Variants in TUB observed in about 807,000 individuals in gnomAD.
TUB encodes the protein TUB bipartite transcription factor.
TUB carries 33 observed loss-of-function variants against 59.7 expected under a neutral mutation model. That is an observed-to-expected ratio of 0.55 (90% confidence interval 0.42 to 0.74). The LOEUF is 0.74. Ranked by LOEUF, TUB falls within the 30% of genes least tolerant of loss-of-function variation. The probability of loss-of-function intolerance (pLI) is 0.00; values close to 1 mark genes in which losing one functional copy is unlikely to be tolerated. For missense variants in TUB, 659 were observed against 672.0 expected (o/e 0.98, Z 0.21); for synonymous variants, 293 against 256.4 (o/e 1.14, Z -1.36).
chr11:8,084,886 GTCA>G (rs1388032890), intron 1 of TUB, among the ~76,000 whole-genome samples: 2 of 152,182 alleles, frequency 1.3e-5, no homozygotes, highest in African/African-American at 4.8e-5. Flanking sequence ...GCCTTTACAG[GTCA>G]TCTAGTTCTC....
chr11:8,059,434 T>G (rs371408660), intron 2 of TUB, among the ~76,000 whole-genome samples: 2 of 152,012 alleles, frequency 1.3e-5, no homozygotes, highest in East Asian at 3.9e-4. Flanking sequence ...CTCTCGACAT[T>G]TAGTGTGCAG....
At chr11:8,099,437 T>G (rs1944156711) in intron 9 of TUB, among the ~76,000 whole-genome samples, 1 of 152,186 alleles carries the variant, frequency 6.6e-6, no homozygotes, top group Non-Finnish European at 1.5e-5. Context: ...GCATGGGCAC[T>G]TCTTGGAGGC....
rs60700713 is a variant in TUB, at chr11:8,073,827, G to C, written c.204-15783G>C. Among the ~76,000 whole-genome samples, 1,484 of 152,342 alleles carry C rather than the reference G, an allele frequency of 9.7e-3. 23 individuals carry two copies. The highest frequency in any genetic ancestry group is 0.034 in the African/African-American group (1,393 of 41,578). On this transcript the variant is annotated intron_variant, in intron 2 of 12. Transcript: ENST00000305253. The stretch of plus-strand genomic sequence containing the variant: ...GGAACAGAACCTTCCCCGGGTCAGA[G>C]ACCCTGTACTCCAGCCCTGGGTCTC...
At chr11:8,082,883 C>T (rs1353614894) in intron 1 of TUB, among the ~76,000 whole-genome samples, 3 of 152,144 alleles carry the variant, frequency 2.0e-5, no homozygotes, top group Admixed American at 6.5e-5. Flanking sequence ...TTGTGTCTCT[C>T]CCCACAACCA....
chr11:8,081,412 TGCGGCCCGGG>T lies in TUB; in HGVS notation c.-88_-79del, dbSNP rs1433099049. The T allele has an allele frequency of 3.0e-5, 32 of 1,066,356 alleles. No homozygotes were observed. The Admixed American group carries it at 1.0e-3, about 35-fold the overall frequency. 66.1% of individuals were successfully genotyped at this position (1,066,356 alleles called of 1,614,324 possible). The stretch of plus-strand genomic sequence containing the variant: ...GGCCCAGCGCCCCGGCCCGGGAGGA[TGCGGCCCGGG>T]GCGGCCCGGGAGCTGAGCAGGGCCC... On this transcript the variant is annotated 5_prime_UTR_variant, in exon 1 of 12. The change creates a premature stop within an existing upstream ORF in the 5' untranslated region. Coordinates refer to ENST00000299506, the MANE Select transcript of TUB (RefSeq NM_177972.3).
intron 6 of TUB, 91 bp from the exon 7 acceptor site, chr11:8,097,137 G>C: frequency 2.1e-6 from 3 of 1,438,586 alleles, no homozygotes; most frequent in Non-Finnish European, 2.9e-6. Flanking sequence ...CTCTCCCACC[G>C]CCACGTTAGG....
chr11:8,095,835 C>G (rs1943969069), intron 5 of TUB, among the ~76,000 whole-genome samples, 170 bp downstream of exon 5: 1 of 152,234 alleles, frequency 6.6e-6, no homozygotes, highest in East Asian at 1.9e-4. Context: ...AGGGCCCCTG[C>G]TAAGGCCCCA....
chr11:8,101,997 A>G lies in TUB; in HGVS notation c.*378A>G. On this transcript the variant is annotated 3_prime_UTR_variant, in exon 12 of 12. Coordinates refer to ENST00000299506, the MANE Select transcript of TUB (RefSeq NM_177972.3). ...GCACACTGCAGGGCTGCTGTGGCCC[A>G]GTCGTCCGCTCAGCCAAGGAGTCAG... 4.3e-6 allele frequency: 1 copy of G among 230,758 alleles called. No individual in the cohort carries two copies. Among genetic ancestry groups the G allele is most frequent in the Non-Finnish European group, 8.5e-6 (1 of 117,532 alleles). The allele number at this position is 230,758 out of a possible 1,614,324, so 14.3% of individuals were successfully genotyped here.
chr11:8,041,620 T>C (rs1881232), intron 2 of TUB, among the ~76,000 whole-genome samples: 28,693 of 152,014 alleles, frequency 0.19, 3,121 homozygotes, highest in African/African-American at 0.29. Flanking sequence ...GTATGCATTC[T>C]GCCTCCCATA....
At chr11:8,034,501 G>T (rs950411311), upstream of TUB, among the ~76,000 whole-genome samples, 1 of 152,216 alleles carries the variant, frequency 6.6e-6, no homozygotes, top group Admixed American at 6.5e-5. Flanking sequence ...GTACTGACAT[G>T]CAGGTGCGAT....
At chr11:8,069,760 G>C (rs778027337) in intron 2 of TUB, among the ~76,000 whole-genome samples, 1 of 152,052 alleles carries the variant, frequency 6.6e-6, no homozygotes, top group African/African-American at 2.4e-5. Context: ...AGGGGCAGAC[G>C]AGTAGCTTAT....
chr11:8,063,411 A>AG (rs1336363117), intron 2 of TUB, among the ~76,000 whole-genome samples: 1 of 152,282 alleles, frequency 6.6e-6, no homozygotes, highest in African/African-American at 2.4e-5. Context: ...ACATGAAGGC[A>AG]GCATGAAGTA....
At chr11:8,053,577 T>G (rs1287982760) in intron 2 of TUB, among the ~76,000 whole-genome samples, 2 of 151,698 alleles carry the variant, frequency 1.3e-5, no homozygotes, top group Admixed American at 6.6e-5. Context: ...CTCGGCTCAC[T>G]GCAAGCTCCG....
At chr11:8,039,094 C>T (rs1942697352) in intron 1 of TUB, 6 of 1,566,642 alleles carry the variant, frequency 3.8e-6, no homozygotes, top group Non-Finnish European at 5.2e-6. Flanking sequence ...ACCCACCCAC[C>T]CTCACTGACC....
upstream of TUB, among the ~76,000 whole-genome samples, chr11:8,038,009 A>G (rs1942676397): frequency 1.3e-5 from 2 of 152,196 alleles, no homozygotes; most frequent in Admixed American, 6.5e-5. Flanking sequence ...AGTAGATGGC[A>G]TGAGCAGTGC....
intron 2 of TUB, among the ~76,000 whole-genome samples, chr11:8,048,133 CAT>C (rs1488411199): frequency 6.6e-6 from 1 of 152,134 alleles, no homozygotes; most frequent in East Asian, 1.9e-4. Context: ...TTATACCACA[CAT>C]GAGTCTAGGC....
intron 2 of TUB, among the ~76,000 whole-genome samples, chr11:8,047,686 A>G (rs1021016976): frequency 2.0e-5 from 3 of 152,162 alleles, no homozygotes; most frequent in South Asian, 2.1e-4. Context: ...GGAACTTGCC[A>G]TTGCTGCATT....
At chr11:8,059,306 G>A (rs558222135) in intron 2 of TUB, among the ~76,000 whole-genome samples, 1 of 152,286 alleles carries the variant, frequency 6.6e-6, no homozygotes, top group African/African-American at 2.4e-5. Flanking sequence ...CCCAGCAGAG[G>A]AGACATCCAG....
chr11:8,038,535 G>A (rs914329508), upstream of TUB: 6 of 963,548 alleles, frequency 6.2e-6, no homozygotes, highest in Non-Finnish European at 7.6e-6. Context: ...GTCTCTGCCT[G>A]GGTTGCTATA....
Sources: allele counts gnomAD v4.1 joint callset (sites outside exome capture counted in the v4.1 genomes callset), GRCh38; gene constraint gnomAD v4.1.1; transcripts MANE v1.5; gene names NCBI Gene and HGNC (gene_info 2026-07-23, HGNC 2026-07-21).